The following BICDL1 variants were observed in gnomAD, a reference collection of about 807,000 sequenced individuals.
The protein encoded by BICDL1 is BICD family like cargo adaptor 1.
BICDL1 carries 20 observed loss-of-function variants against 76.8 expected under a neutral mutation model. The observed-to-expected ratio is 0.26, with a 90% confidence interval of 0.18 to 0.38. The LOEUF (loss-of-function observed/expected upper bound fraction) is 0.38, where lower values mean the gene tolerates loss of function less well. BICDL1 is among the 10% of genes least tolerant of loss of function. The pLI is 1.00. For missense variants in BICDL1, 700 were observed against 798.6 expected (o/e 0.88, Z 1.49); for synonymous variants, 383 against 337.1 (o/e 1.14, Z -1.49).
chr12:120,072,027 G>C (rs1873144207), intron 5 of BICDL1, among the ~76,000 whole-genome samples: 1 of 152,234 alleles, frequency 6.6e-6, no homozygotes, highest in African/African-American at 2.4e-5. Flanking sequence ...AGAATTGCTA[G>C]AGGACAGAGT....
At chr12:120,043,802 A>G (rs932506639) in intron 2 of BICDL1, among the ~76,000 whole-genome samples, 1 of 152,238 alleles carries the variant, frequency 6.6e-6, no homozygotes, top group African/African-American at 2.4e-5. Flanking sequence ...TTTATCTCAT[A>G]CAGTACGCAT....
intron 2 of BICDL1, among the ~76,000 whole-genome samples, chr12:120,060,711 G>A (rs1397781546): frequency 6.6e-6 from 1 of 152,082 alleles, no homozygotes. Flanking sequence ...TGAATATGTG[G>A]AACCAAAAAT....
At chr12:120,082,377 C>T (rs974830518) in intron 8 of BICDL1, among the ~76,000 whole-genome samples, 4 of 151,832 alleles carry the variant, frequency 2.6e-5, no homozygotes, top group African/African-American at 4.8e-5. Context: ...CTCAGCCTCC[C>T]GAGTAGCTGG....
At chr12:120,036,635 GAA>G (rs1952535917) in intron 2 of BICDL1, among the ~76,000 whole-genome samples, 1 of 152,204 alleles carries the variant, frequency 6.6e-6, no homozygotes, top group Non-Finnish European at 1.5e-5. Context: ...CAGCACTCTG[GAA>G]GGCTGAGGTG....
Position 120,052,309 on chromosome 12 carries a change from TTCTC to T in BICDL1, c.646-9385_646-9382del, listed in dbSNP as rs201264770. ...ACTTTTTCTTTCTTCCTTCCTTCCTTTCTCTCTCTCTCTCTCTCTTTCTCTGTTT... is the reference window on the plus strand; with the variant it reads ...ACTTTTTCTTTCTTCCTTCCTTCCTTTCTCTCTCTCTCTCTTTCTCTGTTT... On this transcript the variant is annotated intron_variant, in intron 2 of 9. Coordinates refer to ENST00000548673, the MANE Select transcript of BICDL1 (RefSeq NM_001367886.1). Among the ~76,000 whole-genome samples the T allele has an allele frequency of 5.6e-3, 796 of 142,752 alleles. 3 individuals are homozygous for T. Among genetic ancestry groups the T allele is most frequent in the African/African-American group, 0.014 (537 of 37,542 alleles). The allele number at this position is 142,752 out of a possible 152,430, so 93.7% of individuals were successfully genotyped here.
chr12:120,032,651 A>C (rs1952445656), intron 2 of BICDL1, among the ~76,000 whole-genome samples: 2 of 152,166 alleles, frequency 1.3e-5, no homozygotes, highest in Non-Finnish European at 2.9e-5. Context: ...TAATTTAAAA[A>C]CATCATATTT....
At chr12:119,992,715 G>A (rs1951550444) in intron 1 of BICDL1, 1 of 152,062 alleles carries the variant, frequency 6.6e-6, no homozygotes, top group Non-Finnish European at 1.5e-5. Flanking sequence ...ACACTTGGGA[G>A]TATAAAACCA....
At chr12:120,078,976 G>T (rs372777857) in intron 7 of BICDL1, among the ~76,000 whole-genome samples, 1 of 152,210 alleles carries the variant, frequency 6.6e-6, no homozygotes, top group Non-Finnish European at 1.5e-5. Context: ...TGCTAAATAG[G>T]GGGAGGCTGG....
intron 9 of BICDL1, 177 bp from the exon 10 acceptor site, chr12:120,092,823 T>C: frequency 1.0e-6 from 1 of 985,422 alleles, no homozygotes; most frequent in Non-Finnish European, 1.2e-6. Flanking sequence ...GGCTCCTGCG[T>C]GCGCCTGGTG....
chr12:120,063,092 G>A (rs1953141009), intron 3 of BICDL1, among the ~76,000 whole-genome samples: 1 of 152,134 alleles, frequency 6.6e-6, no homozygotes, highest in Non-Finnish European at 1.5e-5. Context: ...ACTTTGTGTA[G>A]CTCCGAACTA....
At chr12:120,074,304 A>C in intron 6 of BICDL1, 139 bp from the exon 7 acceptor site, 1 of 390,932 alleles carries the variant, frequency 2.6e-6, no homozygotes, top group Non-Finnish European at 3.5e-6. Context: ...ATCTTTCCCC[A>C]CTATCTTTCC....
rs1240717777 is a variant in BICDL1, at chr12:119,996,992, G to A, written c.430-1529G>A. 2.7e-5 allele frequency among the ~76,000 whole-genome samples: 4 copies of A among 148,722 alleles called. No individual in the cohort carries two copies. In the South Asian group the frequency reaches 6.4e-4, roughly 24 times the overall value. Reference sequence around the variant, plus strand: ...GAGACGGAGTCTCGCTCCGTCGTCCGGGCTAGAGTGCAGTGGCGCGATCTC... The same window carrying A: ...GAGACGGAGTCTCGCTCCGTCGTCCAGGCTAGAGTGCAGTGGCGCGATCTC... On this transcript the variant is annotated intron_variant, in intron 1 of 9. Transcript: ENST00000548673.
rs1212523999 is a variant in BICDL1 at position 120,074,523 on chromosome 12, C to T, written c.1389C>T (p.Leu463=). Reference sequence around the variant, plus strand: ...AGGACTCGAGAGCCCTAAGGGAGCTCATGGAGGGAGAGAGGGGTAAACTGA... The same window carrying T: ...AGGACTCGAGAGCCCTAAGGGAGCTTATGGAGGGAGAGAGGGGTAAACTGA... ...TSEDSRALRE[L]MEGERGKLRQ... is the part of the protein sequence containing the mutation. Residue 463 remains leucine, a synonymous_variant, in exon 7 of 10, where the codon CTC becomes CTT. Transcript: ENST00000548673. The T allele has an allele frequency of 5.5e-6, 7 of 1,281,178 alleles. No homozygotes were observed. Among genetic ancestry groups the T allele is most frequent in the South Asian group, 1.3e-5 (1 of 79,654 alleles). The allele number at this position is 1,281,178 out of a possible 1,614,324, so 79.4% of individuals were successfully genotyped here.
At chr12:120,076,095 G>T (rs1248694623) in intron 7 of BICDL1, among the ~76,000 whole-genome samples, 1 of 152,206 alleles carries the variant, frequency 6.6e-6, no homozygotes, top group African/African-American at 2.4e-5. Context: ...AGAGGCGGAG[G>T]TTGCAATGAG....
chr12:120,092,985 C>T lies in BICDL1; in HGVS notation c.1705-15C>T. 2 of 1,542,810 alleles carry T rather than the reference C, an allele frequency of 1.3e-6. No individual in the cohort carries two copies. The highest frequency in any genetic ancestry group is 8.7e-7 in the Non-Finnish European group (1 of 1,143,004). On this transcript the variant is annotated splice_polypyrimidine_tract_variant and intron_variant, in intron 9 of 9. Transcript: ENST00000548673. ...CAGCTACTCAGTCCTGGCCACTGTC[C>T]CCTCCCCTCTGCAGGATGACATGCA...
intron 4 of BICDL1, among the ~76,000 whole-genome samples, chr12:120,068,132 G>C (rs531856004): frequency 3.7e-4 from 57 of 152,296 alleles, no homozygotes; most frequent in Admixed American, 3.3e-3. Flanking sequence ...GAGAACTATA[G>C]AGCTCCAAGT....
chr12:120,091,084 TC>T, intron 9 of BICDL1: 1 of 1,283,282 alleles, frequency 7.8e-7, no homozygotes, highest in South Asian at 1.2e-5. Flanking sequence ...CCCCGCCGCC[TC>T]CCCTCATGGC....
rs1951464009 is a variant in BICDL1, at chr12:119,989,435, C to A, written c.-434C>A. Among the ~76,000 whole-genome samples the A allele has an allele frequency of 6.8e-6, 1 of 146,198 alleles. No individual in the cohort carries two copies. The highest frequency in any genetic ancestry group is 1.5e-5 in the Non-Finnish European group (1 of 66,492). On this transcript the variant is annotated 5_prime_UTR_variant, in exon 1 of 10. Coordinates refer to ENST00000548673, the MANE Select transcript of BICDL1 (RefSeq NM_001367886.1). Reference sequence around the variant, plus strand: ...GCGGCGACAGCGGAGCGCAGCCCGCCCCGTGAGGCGCTGCCCGGCCGGCGG... The same window carrying A: ...GCGGCGACAGCGGAGCGCAGCCCGCACCGTGAGGCGCTGCCCGGCCGGCGG...
At chr12:120,008,448 T>A (rs186158898) in intron 2 of BICDL1, among the ~76,000 whole-genome samples, 39 of 152,264 alleles carry the variant, frequency 2.6e-4, no homozygotes, top group Middle Eastern at 3.4e-3. Context: ...CGTGAGCCAC[T>A]GTGCCCAGCC....
Sources: allele counts gnomAD v4.1 joint callset (sites outside exome capture counted in the v4.1 genomes callset), GRCh38; gene constraint gnomAD v4.1.1; transcripts MANE v1.5; gene names NCBI Gene and HGNC (gene_info 2026-07-23, HGNC 2026-07-21).